The following ATP1B3 variants were observed in gnomAD, a reference collection of about 807,000 sequenced individuals.
ATP1B3 encodes sodium/potassium-transporting ATPase subunit beta-3.
Under a neutral mutation model 30.2 loss-of-function variants are expected in ATP1B3, and 10 were observed. The ratio of observed to expected loss-of-function variants is 0.33; its 90% confidence interval spans 0.20 to 0.56. ATP1B3 has a LOEUF of 0.56. Among genes scored for constraint, ATP1B3 ranks in the 20% least tolerant of loss-of-function variants. The pLI is 0.90. For missense variants in ATP1B3, 238 were observed against 336.7 expected, an observed-to-expected ratio of 0.71 and a Z score of 2.29; for synonymous variants, 113 against 117.0, an observed-to-expected ratio of 0.97 and a Z score of 0.22.
intron 6 of ATP1B3, 118 bp from the exon 7 acceptor site, chr3:141,925,413 C>A: frequency 9.6e-7 from 1 of 1,046,792 alleles, no homozygotes; most frequent in Non-Finnish European, 1.4e-6. Context: ...TGCACCACTG[C>A]ACTGCAGCCT....
chr3:141,911,924 C>T (rs1934369274), intron 3 of ATP1B3, among the ~76,000 whole-genome samples: 1 of 152,180 alleles, frequency 6.6e-6, no homozygotes, highest in South Asian at 2.1e-4. Flanking sequence ...GTTCCTTACA[C>T]TTAATAGTAT....
chr3:141,915,876 CAA>C (rs1934453455), intron 4 of ATP1B3, 92 bp from the exon 5 acceptor site: 2 of 897,290 alleles, frequency 2.2e-6, no homozygotes, highest in Middle Eastern at 2.6e-4. Context: ...GTGTTAATCT[CAA>C]AGTCTTCACC....
At chr3:141,920,153 A>G (rs1222223142) in intron 5 of ATP1B3, among the ~76,000 whole-genome samples, 1 of 152,036 alleles carries the variant, frequency 6.6e-6, no homozygotes, top group East Asian at 1.9e-4. Context: ...GCCACACCTG[A>G]TGGTCTTGAG....
rs577912562 is a variant in ATP1B3 at position 141,893,133 on chromosome 3, C to T, written c.110-10487C>T. On this transcript the variant is annotated intron_variant, in intron 1 of 6. Coordinates refer to ENST00000286371, the MANE Select transcript of ATP1B3 (RefSeq NM_001679.4). The stretch of plus-strand genomic sequence containing the variant: ...AAGCAATTCTCCTGCCTCAGCCTCT[C>T]GAGTAGCTGGGATTACAGGCACGCA... 2.0e-5 allele frequency among the ~76,000 whole-genome samples: 3 copies of T among 151,982 alleles called. No individual in the cohort carries two copies. In the East Asian group the frequency reaches 5.8e-4, roughly 29 times the overall value.
chr3:141,923,193 G>A (rs1559875077), intron 6 of ATP1B3, among the ~76,000 whole-genome samples: 3 of 151,360 alleles, frequency 2.0e-5, no homozygotes, highest in South Asian at 2.1e-4. Flanking sequence ...CAGGAGAATC[G>A]CTTCAACCTG....
intron 1 of ATP1B3, among the ~76,000 whole-genome samples, chr3:141,890,933 T>C (rs2107767096): frequency 6.6e-6 from 1 of 152,376 alleles, no homozygotes; most frequent in South Asian, 2.1e-4. Context: ...AAGCCTTTGT[T>C]ATACTTGTAA....
At chr3:141,912,925 T>C (rs1934391540) in intron 3 of ATP1B3, among the ~76,000 whole-genome samples, 2 of 152,216 alleles carry the variant, frequency 1.3e-5, no homozygotes, top group African/African-American at 4.8e-5. Context: ...TCTCCTAACT[T>C]GTTTTCCGGA....
intron 1 of ATP1B3, among the ~76,000 whole-genome samples, chr3:141,880,022 A>G (rs888631124): frequency 1.7e-4 from 26 of 151,978 alleles, no homozygotes; most frequent in African/African-American, 6.3e-4. Context: ...GTCTACCCCC[A>G]GGATTTTATC....
Position 141,925,956 on chromosome 3 carries a change from T to G in ATP1B3, c.*255T>G. Reference sequence around the variant, plus strand: ...CGGTGAACACCTGATTCCAAACATGTAGGATGGGGGTCTTGTCCTCTTTTT... The same window carrying G: ...CGGTGAACACCTGATTCCAAACATGGAGGATGGGGGTCTTGTCCTCTTTTT... On this transcript the variant is annotated 3_prime_UTR_variant, in exon 7 of 7. Transcript: ENST00000286371. 1 of 413,596 alleles carries G rather than the reference T, an allele frequency of 2.4e-6. No homozygotes were observed. Among genetic ancestry groups the G allele is most frequent in the East Asian group, 3.8e-5 (1 of 26,016 alleles). 25.6% of individuals were successfully genotyped at this position (413,596 alleles called of 1,614,324 possible). A position where few individuals can be genotyped will look rare whatever the true frequency, so the allele number is the denominator to read the frequency against.
chr3:141,891,407 C>T (rs1933950316), intron 1 of ATP1B3, among the ~76,000 whole-genome samples: 1 of 152,106 alleles, frequency 6.6e-6, no homozygotes, highest in South Asian at 2.1e-4. Context: ...TTGAGAGAAC[C>T]AACTAAAGCC....
In ATP1B3 at chr3:141,876,660, C is replaced by T. The variant is rs1237984847; in HGVS notation, c.-142C>T. 15 of 533,992 alleles carry T rather than the reference C, an allele frequency of 2.8e-5. No individual in the cohort carries two copies. In the African/African-American group the frequency reaches 2.9e-4, roughly 10 times the overall value. 33.1% of individuals were successfully genotyped at this position (533,992 alleles called of 1,614,324 possible). A position where few individuals can be genotyped will look rare whatever the true frequency, so the allele number is the denominator to read the frequency against. On this transcript the variant is annotated 5_prime_UTR_variant, in exon 1 of 7. Coordinates refer to ENST00000286371, the MANE Select transcript of ATP1B3 (RefSeq NM_001679.4). Reference sequence around the variant, plus strand: ...CGCGGCGCAGTCGGCTCGAGTACTCCCCGTAACGAGGAGGTGTTCTCGGCC... The same window carrying T: ...CGCGGCGCAGTCGGCTCGAGTACTCTCCGTAACGAGGAGGTGTTCTCGGCC...
rs868680265 is a variant in ATP1B3, at chr3:141,916,429, A to G, written c.582+409A>G. On this transcript the variant is annotated intron_variant, in intron 5 of 6. Transcript: ENST00000286371. ...TCTGAGATTTAATGAAATATGGTGC[A>G]TTTTCCTTAAGGTAGAAGCATTATT... 5.0e-5 allele frequency: 29 copies of G among 585,178 alleles called. No homozygotes were observed. In the Middle Eastern group the frequency reaches 7.2e-3, roughly 145 times the overall value. The allele number at this position is 585,178 out of a possible 1,614,324, so 36.2% of individuals were successfully genotyped here.
intron 1 of ATP1B3, among the ~76,000 whole-genome samples, chr3:141,879,206 G>A (rs1487964013): frequency 6.6e-6 from 1 of 152,004 alleles, no homozygotes; most frequent in East Asian, 1.9e-4. Context: ...TGAGTATATT[G>A]TGGGCATCTT....
At chr3:141,906,885 G>GT in intron 2 of ATP1B3, among the ~76,000 whole-genome samples, 1 of 152,140 alleles carries the variant, frequency 6.6e-6, no homozygotes, top group Non-Finnish European at 1.5e-5. Flanking sequence ...AAAGTTCAAA[G>GT]TAAAATTGCA....
chr3:141,880,709 A>G (rs1252915492), intron 1 of ATP1B3, among the ~76,000 whole-genome samples: 1 of 152,188 alleles, frequency 6.6e-6, no homozygotes, highest in Non-Finnish European at 1.5e-5. Context: ...TGTATTTTGC[A>G]TATATAGATA....
chr3:141,908,603 C>T (rs1934304878), intron 3 of ATP1B3, among the ~76,000 whole-genome samples: 1 of 152,220 alleles, frequency 6.6e-6, no homozygotes. Flanking sequence ...TTCTGTGCCC[C>T]TGCCCCTGAG....
chr3:141,924,685 G>A (rs1392458949), intron 6 of ATP1B3, among the ~76,000 whole-genome samples: 12 of 151,778 alleles, frequency 7.9e-5, no homozygotes, highest in South Asian at 2.1e-4. Flanking sequence ...CGGGTGTGGC[G>A]GCTCATGCCT....
intron 1 of ATP1B3, among the ~76,000 whole-genome samples, chr3:141,888,612 A>T (rs974320466): frequency 2.6e-5 from 4 of 152,102 alleles, no homozygotes; most frequent in Non-Finnish European, 5.9e-5. Context: ...GACTCACATG[A>T]TATGGCTTGG....
rs1374822999 is a variant in ATP1B3, at chr3:141,905,654, T to C, written c.239-1513T>C. On this transcript the variant is annotated intron_variant, in intron 2 of 6. Transcript: ENST00000286371. The stretch of plus-strand genomic sequence containing the variant: ...AGTGTATTGGAGCAAGTGTCAGAGA[T>C]TAGTTCCATGCTACTTTTCCTTCAT... 2.6e-5 allele frequency among the ~76,000 whole-genome samples: 4 copies of C among 152,220 alleles called. No individual in the cohort carries two copies. In the East Asian group the frequency reaches 7.7e-4, roughly 29 times the overall value.
Sources: gnomAD v4.1 joint callset for allele counts (sites outside exome capture counted in the v4.1 genomes callset) on GRCh38, gnomAD v4.1.1 for gene constraint, MANE v1.5 for transcripts, NCBI Gene and HGNC (gene_info 2026-07-23, HGNC 2026-07-21) for gene names.